CASD1: variants seen among roughly 807,000 people sequenced by gnomAD.
CASD1 encodes the protein N-acetylneuraminate (7)9-O-acetyltransferase.
Under a neutral mutation model 100.0 loss-of-function variants are expected in CASD1, and 41 were observed. The ratio of observed to expected loss-of-function variants is 0.41; its 90% CI spans 0.32 to 0.53. The LOEUF (loss-of-function observed/expected upper bound fraction) is 0.53, where lower values mean the gene tolerates loss of function less well. Ranked by LOEUF, CASD1 falls within the 20% of genes least tolerant of loss-of-function variation. The pLI, the probability that CASD1 is intolerant of heterozygous loss-of-function variation, is 0.25. For synonymous variants in CASD1, 321 were observed against 315.6 expected (o/e 1.02, Z -0.18); for missense variants, 774 against 948.7 (o/e 0.82, Z 2.42).
chr7:94,524,684 AT>A (rs1339136235), intron 3 of CASD1, among the ~76,000 whole-genome samples: 1 of 152,164 alleles, frequency 6.6e-6, no homozygotes, highest in Non-Finnish European at 1.5e-5. Context: ...GAAGATAACC[AT>A]TAGTGCTGTT....
At chr7:94,563,837 GT>G in the CASD1 span, among the ~76,000 whole-genome samples, 1 of 152,066 alleles carries the variant, frequency 6.6e-6, no homozygotes, top group Non-Finnish European at 1.5e-5. Flanking sequence ...GCAGCAATGT[GT>G]TTTTTATTTT....
chr7:94,563,842 T>C, the CASD1 span, among the ~76,000 whole-genome samples: 1 of 152,150 alleles, frequency 6.6e-6, no homozygotes, highest in Non-Finnish European at 1.5e-5. Context: ...AATGTGTTTT[T>C]TATTTTGATG....
the CASD1 span, chr7:94,599,562 C>A: frequency 1.3e-6 from 1 of 742,300 alleles, no homozygotes; most frequent in African/African-American, 1.8e-5. Context: ...ATTTAGAAAG[C>A]AGCTTTCACA....
In CASD1 at chr7:94,552,336, AT is replaced by A. The variant is rs756356941; in HGVS notation, c.1957-8del. The stretch of plus-strand genomic sequence containing the variant: ...CTTGCTTTTTTGAACTTTTCCATAC[AT>A]TTTTTGTTTTAGACCTATTCCATCT... On this transcript the variant is annotated splice_polypyrimidine_tract_variant and intron_variant, in intron 15 of 17. Transcript: ENST00000297273. 2 of 1,599,922 alleles carry A rather than the reference AT, an allele frequency of 1.3e-6. No homozygotes were observed. Among genetic ancestry groups the A allele is most frequent in the Non-Finnish European group, 1.7e-6 (2 of 1,173,396 alleles).
At chr7:94,579,912 A>G in the CASD1 span, among the ~76,000 whole-genome samples, 2 of 152,248 alleles carry the variant, frequency 1.3e-5, no homozygotes, top group East Asian at 3.9e-4. Flanking sequence ...CTCATCCACT[A>G]TTGTCTATCA....
chr7:94,523,473 TATATGTTACATAGGAATA>T (rs1228003428), intron 3 of CASD1, among the ~76,000 whole-genome samples: 1 of 152,182 alleles, frequency 6.6e-6, no homozygotes, highest in Non-Finnish European at 1.5e-5. Flanking sequence ...CGGCAACAGC[TATATGTTACATAGGAATA>T]AACAGCAAAT....
the CASD1 span, among the ~76,000 whole-genome samples, chr7:94,586,084 AAAAC>A: frequency 6.6e-6 from 1 of 150,866 alleles, no homozygotes; most frequent in Non-Finnish European, 1.5e-5. Context: ...AAAAAAAAAA[AAAAC>A]AACAACTTCA....
the CASD1 span, among the ~76,000 whole-genome samples, chr7:94,567,957 A>G: frequency 6.6e-6 from 1 of 152,168 alleles, no homozygotes; most frequent in Non-Finnish European, 1.5e-5. Flanking sequence ...AAATTAACGT[A>G]TAAAGTTCAT....
the CASD1 span, among the ~76,000 whole-genome samples, chr7:94,592,640 A>G: frequency 2.0e-5 from 3 of 152,192 alleles, no homozygotes; most frequent in Non-Finnish European, 4.4e-5. Context: ...TGCAAGAGTA[A>G]TAACTTGCAA....
At position 94,537,613 on chromosome 7, in the gene CASD1, A is replaced by G; in HGVS notation, c.985A>G (p.Ile329Val). The G allele has an allele frequency of 1.9e-6, 3 of 1,613,876 alleles. No individual in the cohort carries two copies. Among genetic ancestry groups the G allele is most frequent in the Non-Finnish European group, 2.5e-6 (3 of 1,179,894 alleles). ...FFTLSIIGYL[I>V]FYIIHRNAHR... ...CACTTTATCTATTATCGGATATTTA[A>G]TTTTTTACATAATTCATCGTAATGC... Residue 329 changes from isoleucine to valine, a missense_variant, in exon 9 of 18, where the codon ATT (isoleucine) becomes GTT (valine). Around this residue, in one of 5 missense-constraint regions of CASD1, gnomAD observed 453 missense variants for 532.6 expected, o/e 0.85. Transcript: ENST00000297273.
At chr7:94,626,878 A>G in the CASD1 span, 1 of 152,018 alleles carries the variant, frequency 6.6e-6, no homozygotes, top group African/African-American at 2.4e-5. Context: ...GTTTGCCAAG[A>G]GCTATTTTTT....
At chr7:94,528,072 G>A in intron 4 of CASD1, 116 bp from the exon 5 acceptor site, 1 of 710,674 alleles carries the variant, frequency 1.4e-6, no homozygotes, top group Non-Finnish European at 2.4e-6. Flanking sequence ...AAGATGTCTT[G>A]GACAAGGTAG....
At chr7:94,528,325 T>G in intron 5 of CASD1, 75 bp downstream of exon 5, 1 of 1,060,376 alleles carries the variant, frequency 9.4e-7, no homozygotes, top group South Asian at 1.5e-5. Context: ...TTTATTCCCT[T>G]TACTCACTTG....
At chr7:94,621,618 A>G in the CASD1 span, 2 of 152,260 alleles carry the variant, frequency 1.3e-5, no homozygotes, top group Non-Finnish European at 2.9e-5. Context: ...CACACCTGAC[A>G]GAGTTTCGAG....
chr7:94,562,545 C>T, the CASD1 span, among the ~76,000 whole-genome samples: 3 of 152,146 alleles, frequency 2.0e-5, no homozygotes, highest in Non-Finnish European at 2.9e-5. Context: ...GTTCACAGTT[C>T]TCTGCAATTT....
chr7:94,592,495 A>G, the CASD1 span, among the ~76,000 whole-genome samples: 1 of 152,186 alleles, frequency 6.6e-6, no homozygotes, highest in Non-Finnish European at 1.5e-5. Context: ...TGTAAACTGC[A>G]TTATGTAGAA....
At chr7:94,575,341 A>T in the CASD1 span, among the ~76,000 whole-genome samples, 1 of 152,100 alleles carries the variant, frequency 6.6e-6, no homozygotes, top group Non-Finnish European at 1.5e-5. Context: ...TTTAATTTCC[A>T]TGTAATTGCA....
At position 94,537,859 on chromosome 7, in the gene CASD1, G is replaced by A; in HGVS notation, c.1231G>A (p.Val411Ile). 1 of 1,555,410 alleles carries A rather than the reference G, an allele frequency of 6.4e-7. No individual in the cohort carries two copies. Among genetic ancestry groups the A allele is most frequent in the Non-Finnish European group, 8.9e-7 (1 of 1,128,348 alleles). ...SFFIPIIYIL[V>I]LGVFYNENTK... ...CTTTATTCCAATTATCTACATTTTGGTTTTGGGAGTATTTTATAATGAAAA... is the reference window on the plus strand; with the variant it reads ...CTTTATTCCAATTATCTACATTTTGATTTTGGGAGTATTTTATAATGAAAA... The change falls in exon 9 of 18, where the codon GTT becomes ATT. Residue 411 changes from valine to isoleucine, a missense_variant. By Grantham distance (29) the Val-to-Ile change is conservative. Around this residue, in one of 5 missense-constraint regions of CASD1, gnomAD observed 453 missense variants for 532.6 expected, o/e 0.85. Coordinates refer to ENST00000297273, the MANE Select transcript of CASD1 (RefSeq NM_022900.5).
At chr7:94,598,796 A>G in the CASD1 span, 1 of 1,612,722 alleles carries the variant, frequency 6.2e-7, no homozygotes, top group Admixed American at 1.7e-5. Context: ...CATCAATGGC[A>G]TGTTTGTGCT....
Sources: gnomAD v4.1 joint callset for allele counts (sites outside exome capture counted in the v4.1 genomes callset) on GRCh38, gnomAD v4.1.1 for gene constraint, gnomAD v4.1.1 regional missense constraint, MANE v1.5 for transcripts, NCBI Gene and HGNC (gene_info 2026-07-23, HGNC 2026-07-21) for gene names.